Variants in PCCB observed in about 807,000 individuals in gnomAD.
The protein encoded by PCCB is propionyl-CoA carboxylase subunit beta, also known as propionyl-CoA carboxylase beta chain, mitochondrial.
Under a neutral mutation model 60.7 loss-of-function variants are expected in PCCB, and 43 were observed. The ratio of observed to expected loss-of-function variants is 0.71; its 90% confidence interval spans 0.55 to 0.91. The LOEUF is 0.91. Among genes scored for constraint, PCCB ranks in the 40% least tolerant of loss-of-function variants. PCCB has a pLI of 0.00. For synonymous variants in PCCB, 276 were observed against 255.9 expected (o/e 1.08, Z -0.75); for missense variants, 766 against 702.8 (o/e 1.09, Z -1.02).
chr3:136,263,261 T>TTTG (rs1418973053), intron 5 of PCCB, among the ~76,000 whole-genome samples: 3 of 147,958 alleles, frequency 2.0e-5, no homozygotes, highest in Non-Finnish European at 4.5e-5. Flanking sequence ...CTGGTTTTTT[T>TTTG]TTTTTTTTTT....
In PCCB at chr3:136,256,340, A is replaced by G. The variant is rs982652973; in HGVS notation, c.304-215A>G. On this transcript the variant is annotated intron_variant, in intron 2 of 14. Transcript: ENST00000251654. ...TTTAGGAGGGTACATAAGGCCTAAG[A>G]TGACAGTGCCATTCACTCCTATTGA... 6.6e-6 allele frequency: 4 copies of G among 604,508 alleles called. No homozygotes were observed. The East Asian group carries it at 8.4e-5, about 13-fold the overall frequency. 37.4% of individuals were successfully genotyped at this position (604,508 alleles called of 1,614,324 possible).
chr3:136,319,410 A>G (rs1276823287), intron 10 of PCCB, among the ~76,000 whole-genome samples: 5 of 138,954 alleles, frequency 3.6e-5, no homozygotes, highest in South Asian at 2.2e-4. Flanking sequence ...TTTGAGATGG[A>G]GTCTCGCGCT....
chr3:136,324,801 C>T (rs77340672), intron 10 of PCCB, among the ~76,000 whole-genome samples: 1,697 of 152,260 alleles, frequency 0.011, 16 homozygotes, highest in Middle Eastern at 0.027. Context: ...CAGACATATG[C>T]GGAAATTTGT....
chr3:136,289,037 T>C (rs1933555906), intron 6 of PCCB, among the ~76,000 whole-genome samples: 1 of 152,124 alleles, frequency 6.6e-6, no homozygotes, highest in Admixed American at 6.5e-5. Context: ...ATTTTAATTT[T>C]TGTAGAGATG....
At chr3:136,259,877 C>G (rs186150055) in intron 3 of PCCB, among the ~76,000 whole-genome samples, 7 of 152,142 alleles carry the variant, frequency 4.6e-5, no homozygotes, top group Non-Finnish European at 1.0e-4. Flanking sequence ...CTCAGCCTCC[C>G]GAGTAGCTGG....
intron 8 of PCCB, 130 bp downstream of exon 8, chr3:136,298,202 T>C: frequency 2.8e-6 from 3 of 1,074,052 alleles, no homozygotes; most frequent in Non-Finnish European, 4.3e-6. Context: ...CTCCCAGGTG[T>C]GGGGATGATG....
chr3:136,328,725 A>T (rs1316556556), intron 13 of PCCB, 33 bp from the exon 14 acceptor site: 1 of 1,561,212 alleles, frequency 6.4e-7, no homozygotes, highest in Non-Finnish European at 8.8e-7. Context: ...GGTTGGGACG[A>T]CCAAAGATGT....
At chr3:136,267,632 A>G (rs1942041154) in intron 5 of PCCB, among the ~76,000 whole-genome samples, 1 of 152,046 alleles carries the variant, frequency 6.6e-6, no homozygotes, top group Non-Finnish European at 1.5e-5. Context: ...CCACAGGCAC[A>G]TGCTACCACA....
chr3:136,291,521 T>A (rs1933687609), intron 6 of PCCB, among the ~76,000 whole-genome samples: 1 of 152,054 alleles, frequency 6.6e-6, no homozygotes, highest in African/African-American at 2.4e-5. Context: ...TAGGTGTCAG[T>A]CTTTTAGTGA....
At chr3:136,289,982 C>T (rs905148401) in intron 6 of PCCB, among the ~76,000 whole-genome samples, 4 of 152,084 alleles carry the variant, frequency 2.6e-5, no homozygotes, top group African/African-American at 7.2e-5. Context: ...TGCACTTGGT[C>T]TTAGCCAAAA....
At chr3:136,277,190 G>C (rs1942349978) in intron 5 of PCCB, among the ~76,000 whole-genome samples, 1 of 152,214 alleles carries the variant, frequency 6.6e-6, no homozygotes, top group Non-Finnish European at 1.5e-5. Flanking sequence ...TCGAATGCTG[G>C]TTATAATAGT....
intron 10 of PCCB, among the ~76,000 whole-genome samples, chr3:136,319,036 TG>T (rs1170108390): frequency 6.6e-6 from 1 of 152,240 alleles, no homozygotes; most frequent in African/African-American, 2.4e-5. Context: ...CCACCAGCAA[TG>T]TGCAAGGGTT....
At chr3:136,289,789 C>CTTTTTTTTTTTTTTTTTT (rs147625921) in intron 6 of PCCB, among the ~76,000 whole-genome samples, 3 of 141,790 alleles carry the variant, frequency 2.1e-5, no homozygotes, top group Non-Finnish European at 3.1e-5. Flanking sequence ...ACATGTTATA[C>CTTTTTTTTTTTTTTTTTT]TTTTTTTTTA....
chr3:136,263,445 T>G (rs1346575393), intron 5 of PCCB, among the ~76,000 whole-genome samples: 2 of 151,152 alleles, frequency 1.3e-5, no homozygotes, highest in African/African-American at 4.9e-5. Context: ...TTTTTTTGTA[T>G]TTTTTTTATA....
In PCCB at chr3:136,299,771, T is replaced by C. The variant is rs529474820; in HGVS notation, c.885-1259T>C. On this transcript the variant is annotated intron_variant, in intron 8 of 14. Coordinates refer to ENST00000251654, the MANE Select transcript of PCCB (RefSeq NM_000532.5). ...GTATGCATGTGTGTGTATGTATAGGTATGCATGTGTATGTATGTATATGCA... is the reference window on the plus strand; with the variant it reads ...GTATGCATGTGTGTGTATGTATAGGCATGCATGTGTATGTATGTATATGCA... Among the ~76,000 whole-genome samples the C allele has an allele frequency of 8.6e-5, 13 of 150,458 alleles. No individual in the cohort carries two copies. The South Asian group carries it at 1.7e-3, about 19-fold the overall frequency.
chr3:136,267,242 G>A (rs959941319), intron 5 of PCCB, among the ~76,000 whole-genome samples: 7 of 152,050 alleles, frequency 4.6e-5, no homozygotes, highest in South Asian at 4.1e-4. Context: ...GCTAGAGTGC[G>A]TTAGTGCAAT....
chr3:136,291,533 C>G (rs1378265141), intron 6 of PCCB, among the ~76,000 whole-genome samples: 2 of 152,100 alleles, frequency 1.3e-5, no homozygotes, highest in African/African-American at 4.8e-5. Flanking sequence ...TTTTAGTGAG[C>G]CTGTGCCTCT....
intron 6 of PCCB, among the ~76,000 whole-genome samples, chr3:136,289,033 A>G (rs1933555469): frequency 1.3e-5 from 2 of 151,722 alleles, no homozygotes; most frequent in African/African-American, 4.8e-5. Flanking sequence ...ATTTATTTTA[A>G]TTTTTGTAGA....
intron 1 of PCCB, 61 bp downstream of exon 1, chr3:136,250,619 C>A (rs543941015): frequency 1.3e-6 from 2 of 1,514,796 alleles, no homozygotes; most frequent in Non-Finnish European, 8.9e-7. Context: ...TCACTGCGTG[C>A]CCGGCTTGCG....
Sources: allele counts gnomAD v4.1 joint callset (sites outside exome capture counted in the v4.1 genomes callset), GRCh38; gene constraint gnomAD v4.1.1; transcripts MANE v1.5; gene names NCBI Gene and HGNC (gene_info 2026-07-23, HGNC 2026-07-21).